CSGALNACT1: variants seen among roughly 807,000 people sequenced by gnomAD.
The protein encoded by CSGALNACT1 is beta4GalNAcT-1.
A neutral mutation model predicts 51.0 loss-of-function variants in CSGALNACT1; 52 were observed. That is an observed-to-expected ratio of 1.02 (90% CI 0.82 to 1.29). The LOEUF (loss-of-function observed/expected upper bound fraction) is 1.29, where lower values mean the gene tolerates loss of function less well. Ranked by LOEUF, CSGALNACT1 falls within the 50% of genes most tolerant of loss-of-function variation. CSGALNACT1 has a pLI of 0.00. For missense variants in CSGALNACT1, 935 were observed against 679.2 expected (o/e 1.38, Z -4.19); for synonymous variants, 341 against 254.4 (o/e 1.34, Z -3.24).
intron 4 of CSGALNACT1, among the ~76,000 whole-genome samples, chr8:19,486,985 C>T (rs2073107382): frequency 6.6e-6 from 1 of 152,174 alleles, no homozygotes; most frequent in Non-Finnish European, 1.5e-5. Flanking sequence ...GGATTTACTA[C>T]CTGTCCTCTT....
chr8:19,724,871 C>A (rs976564650), intron 1 of CSGALNACT1, among the ~76,000 whole-genome samples: 5 of 152,206 alleles, frequency 3.3e-5, no homozygotes, highest in Admixed American at 1.3e-4. Context: ...CAGAGTGCCA[C>A]ATGTGCTTGG....
chr8:19,661,599 C>T (rs1052665047), intron 1 of CSGALNACT1, among the ~76,000 whole-genome samples: 56 of 152,098 alleles, frequency 3.7e-4, no homozygotes, highest in African/African-American at 1.3e-3. Flanking sequence ...TGACTTGTGG[C>T]CCGGATTGCA....
chr8:19,696,502 G>C (rs977813523), intron 1 of CSGALNACT1, among the ~76,000 whole-genome samples: 2 of 152,186 alleles, frequency 1.3e-5, no homozygotes, highest in African/African-American at 4.8e-5. Context: ...AGTGGGGGCA[G>C]GGAAGTGCAA....
intron 3 of CSGALNACT1, among the ~76,000 whole-genome samples, chr8:19,578,905 C>G (rs1029288212): frequency 2.0e-5 from 3 of 152,138 alleles, no homozygotes; most frequent in Admixed American, 6.6e-5. Flanking sequence ...TTCCTTACAT[C>G]ATACTTTCTC....
chr8:19,588,451 A>C (rs1284355734), intron 3 of CSGALNACT1, among the ~76,000 whole-genome samples: 2 of 152,216 alleles, frequency 1.3e-5, no homozygotes, highest in Non-Finnish European at 2.9e-5. Context: ...CAAACTCAGA[A>C]AGAATTCAGT....
intron 3 of CSGALNACT1, among the ~76,000 whole-genome samples, chr8:19,539,880 G>T (rs113454276): frequency 6.6e-6 from 1 of 152,192 alleles, no homozygotes; most frequent in Non-Finnish European, 1.5e-5. Context: ...AGGGGGACAG[G>T]AGGGGAGATA....
chr8:19,404,402 A>C (rs779306539), exon 10 of CSGALNACT1: 9 of 453,380 alleles, frequency 2.0e-5, no homozygotes, highest in South Asian at 1.4e-4. Context: ...CACATGAATG[A>C]AGAAACCACT....
chr8:19,483,146 G>T, intron 4 of CSGALNACT1, among the ~76,000 whole-genome samples: 1 of 152,168 alleles, frequency 6.6e-6, no homozygotes, highest in Non-Finnish European at 1.5e-5. Context: ...AATGAAGCTG[G>T]TAACGTCTCA....
At position 19,485,759 on chromosome 8, in the gene CSGALNACT1, C is replaced by CTTTTTTTT. The variant is rs386412239; in HGVS notation, c.634+19434_634+19441dup. 3.6e-3 allele frequency among the ~76,000 whole-genome samples: 138 copies of CTTTTTTTT among 38,542 alleles called. 48 individuals are homozygous for CTTTTTTTT. Among genetic ancestry groups the CTTTTTTTT allele is most frequent in the African/African-American group, 7.9e-3 (79 of 9,992 alleles). 25.3% of individuals were successfully genotyped at this position (38,542 alleles called of 152,430 possible). A position where few individuals can be genotyped will look rare whatever the true frequency, so the allele number is the denominator to read the frequency against. ...AAAGTCTCACTGCCACCTCAGCTTG[C>CTTTTTTTT]TTTTTTTTTTTTTTTTTTTTTTTTT... On this transcript the variant is annotated intron_variant, in intron 4 of 9. Transcript: ENST00000454498.
rs184218766 is a variant in CSGALNACT1, at chr8:19,422,560, A to C, written c.954-2042T>G. ...TGCAGGGATTCTCTTCCTCTTTCAG[A>C]ACTTTATCTTGAGTCTTTTCTCTGG... On this transcript the variant is annotated intron_variant, in intron 6 of 9. Transcript: ENST00000454498. Among the ~76,000 whole-genome samples, 7 of 152,312 alleles carry C rather than the reference A, an allele frequency of 4.6e-5. 1 individual carries two copies. Among genetic ancestry groups the C allele is most frequent in the South Asian group, 2.1e-4 (1 of 4,828 alleles).
At chr8:19,554,259 C>A (rs1194618307) in intron 3 of CSGALNACT1, among the ~76,000 whole-genome samples, 1 of 152,122 alleles carries the variant, frequency 6.6e-6, no homozygotes, top group Admixed American at 6.5e-5. Context: ...CAACACTGCA[C>A]ATCAAAAGTC....
chr8:19,627,565 G>T (rs2054608318), intron 1 of CSGALNACT1, among the ~76,000 whole-genome samples: 1 of 152,146 alleles, frequency 6.6e-6, no homozygotes, highest in Non-Finnish European at 1.5e-5. Flanking sequence ...ATTCACACCT[G>T]TAATCCCAGA....
At chr8:19,549,123 C>T (rs1030702969) in intron 3 of CSGALNACT1, among the ~76,000 whole-genome samples, 1 of 131,198 alleles carries the variant, frequency 7.6e-6, no homozygotes, top group South Asian at 2.4e-4. Context: ...AGCTGCTTAT[C>T]CTTTTTTTTT....
rs1348276013 is a variant in CSGALNACT1, at chr8:19,631,068, A to G, written c.-543-29203T>C. On this transcript the variant is annotated intron_variant, in intron 1 of 9. Transcript: ENST00000332246. Reference sequence around the variant, plus strand: ...AGCACACTTGTAACAGACCATTTGTATGACCACACCACTGTTGGTCTATCC... The same window carrying G: ...AGCACACTTGTAACAGACCATTTGTGTGACCACACCACTGTTGGTCTATCC... Among the ~76,000 whole-genome samples the G allele has an allele frequency of 2.0e-5, 3 of 152,340 alleles. No individual in the cohort carries two copies. The East Asian group carries it at 5.8e-4, about 29-fold the overall frequency.
At chr8:19,656,599 C>CA (rs972413875) in intron 1 of CSGALNACT1, among the ~76,000 whole-genome samples, 3 of 107,568 alleles carry the variant, frequency 2.8e-5, no homozygotes, top group African/African-American at 9.7e-5. Flanking sequence ...ACGCCCCCCC[C>CA]CCACACACAC....
intron 1 of CSGALNACT1, among the ~76,000 whole-genome samples, chr8:19,617,973 G>C (rs1325873531): frequency 2.0e-5 from 3 of 151,896 alleles, no homozygotes; most frequent in African/African-American, 7.3e-5. Flanking sequence ...TCAAACTCCT[G>C]GGCTCAAGCA....
At chr8:19,450,775 T>A (rs2063039173) in intron 5 of CSGALNACT1, among the ~76,000 whole-genome samples, 1 of 151,786 alleles carries the variant, frequency 6.6e-6, no homozygotes. Context: ...CTGGATGTGG[T>A]GGCATGCATC....
intron 3 of CSGALNACT1, among the ~76,000 whole-genome samples, chr8:19,575,691 A>T (rs939627879): frequency 6.6e-6 from 1 of 152,228 alleles, no homozygotes; most frequent in East Asian, 1.9e-4. Flanking sequence ...TTATCAAAAA[A>T]TGTTTTCATC....
At chr8:19,425,696 G>A (rs1022091413) in intron 6 of CSGALNACT1, among the ~76,000 whole-genome samples, 1 of 152,100 alleles carries the variant, frequency 6.6e-6, no homozygotes, top group Non-Finnish European at 1.5e-5. Context: ...ATTTTCCTAG[G>A]TGCATCCTCA....
Sources: allele counts gnomAD v4.1 joint callset (sites outside exome capture counted in the v4.1 genomes callset), GRCh38; gene constraint gnomAD v4.1.1; transcripts MANE v1.5; gene names NCBI Gene and HGNC (gene_info 2026-07-23, HGNC 2026-07-21).